LPP: variants seen among roughly 807,000 people sequenced by gnomAD.
LPP encodes the protein LIM domain containing preferred translocation partner in lipoma, also known as lipoma-preferred partner.
In LPP, 38 loss-of-function variants were observed where a neutral mutation model predicts 60.4. The observed-to-expected ratio is 0.63, with a 90% CI of 0.49 to 0.83. The LOEUF (loss-of-function observed/expected upper bound fraction) is 0.83. Ranked by LOEUF, LPP falls within the 40% of genes least tolerant of loss-of-function variation. The pLI is 0.00. For synonymous variants in LPP, 328 were observed against 290.8 expected, an observed-to-expected ratio of 1.13 and a Z score of -1.30; for missense variants, 902 against 783.6, an observed-to-expected ratio of 1.15 and a Z score of -1.80.
chr3:188,158,066 A>C (rs1380310304), intron 1 of LPP, among the ~76,000 whole-genome samples: 1 of 152,024 alleles, frequency 6.6e-6, no homozygotes, highest in Non-Finnish European at 1.5e-5. Context: ...TTCACAGGAG[A>C]ATAAGGCTGG....
At chr3:188,591,192 TC>T (rs1838631839) in intron 6 of LPP, among the ~76,000 whole-genome samples, 1 of 152,212 alleles carries the variant, frequency 6.6e-6, no homozygotes, top group Admixed American at 6.5e-5. Context: ...TCTAGCATTT[TC>T]TTTAAGACAT....
At chr3:188,159,744 G>A (rs1173920673) in intron 1 of LPP, among the ~76,000 whole-genome samples, 1 of 152,222 alleles carries the variant, frequency 6.6e-6, no homozygotes, top group Non-Finnish European at 1.5e-5. Flanking sequence ...CCTGCCAGCA[G>A]AGTGAAGATT....
chr3:188,555,391 A>C (rs1829237054), intron 6 of LPP, among the ~76,000 whole-genome samples: 1 of 152,146 alleles, frequency 6.6e-6, no homozygotes, highest in Non-Finnish European at 1.5e-5. Context: ...TCTGTAGGCT[A>C]TGTGGTAATC....
intron 2 of LPP, among the ~76,000 whole-genome samples, chr3:188,295,451 A>T (rs1444272645): frequency 6.6e-6 from 1 of 152,200 alleles, no homozygotes; most frequent in Non-Finnish European, 1.5e-5. Flanking sequence ...GGGGATGAAG[A>T]GTTTTGTTCA....
chr3:188,585,269 G>T (rs1837184352), intron 6 of LPP, among the ~76,000 whole-genome samples: 3 of 152,166 alleles, frequency 2.0e-5, no homozygotes, highest in South Asian at 4.1e-4. Flanking sequence ...TTTATAAGAA[G>T]ATTCAATGGG....
At chr3:188,688,487 A>G (rs538160758) in intron 7 of LPP, among the ~76,000 whole-genome samples, 1 of 152,296 alleles carries the variant, frequency 6.6e-6, no homozygotes, top group South Asian at 2.1e-4. Context: ...AACACCACCT[A>G]TATGCCAAGA....
chr3:188,475,425 T>A (rs1802895246), intron 4 of LPP, among the ~76,000 whole-genome samples: 1 of 152,240 alleles, frequency 6.6e-6, no homozygotes. Flanking sequence ...TTTGGTTTTT[T>A]AAAAAAATGC....
intron 8 of LPP, among the ~76,000 whole-genome samples, chr3:188,724,349 C>G (rs1039166521): frequency 6.6e-6 from 1 of 152,186 alleles, no homozygotes; most frequent in African/African-American, 2.4e-5. Context: ...CTCACAGGAT[C>G]TGTGCTCATT....
chr3:188,833,872 G>A (rs1209421872), intron 9 of LPP, among the ~76,000 whole-genome samples: 1 of 152,030 alleles, frequency 6.6e-6, no homozygotes, highest in Non-Finnish European at 1.5e-5. Flanking sequence ...CTCCTCATTT[G>A]GAAGAAAGAA....
chr3:188,232,036 C>A (rs1052095074), intron 2 of LPP, among the ~76,000 whole-genome samples: 8 of 152,152 alleles, frequency 5.3e-5, no homozygotes, highest in African/African-American at 1.7e-4. Context: ...TCAGCCAATA[C>A]CCTCTGTCTG....
chr3:188,729,107 A>G (rs1719488480), intron 8 of LPP, among the ~76,000 whole-genome samples: 1 of 152,230 alleles, frequency 6.6e-6, no homozygotes, highest in Non-Finnish European at 1.5e-5. Context: ...AAGGAATAAA[A>G]TGTTTCCAAG....
chr3:188,372,962 G>GT (rs1368596620), intron 3 of LPP, among the ~76,000 whole-genome samples: 7 of 151,856 alleles, frequency 4.6e-5, no homozygotes, highest in African/African-American at 1.5e-4. Flanking sequence ...GCGGTGTTTG[G>GT]TTTTTTGTCC....
intron 4 of LPP, among the ~76,000 whole-genome samples, chr3:188,473,971 C>T (rs1802498247): frequency 6.6e-6 from 1 of 152,146 alleles, no homozygotes. Flanking sequence ...AAACAAAAAA[C>T]CTAGCTAGAT....
At chr3:188,194,472 G>A (rs184389460) in intron 1 of LPP, among the ~76,000 whole-genome samples, 12 of 152,200 alleles carry the variant, frequency 7.9e-5, no homozygotes, top group South Asian at 2.1e-4. Flanking sequence ...GGCTCACTCC[G>A]TCCTGCCCAA....
Position 188,369,240 on chromosome 3 carries a change from C to T in LPP, c.-10+27521C>T, listed in dbSNP as rs1218884918. Among the ~76,000 whole-genome samples the T allele has an allele frequency of 4.8e-4, 73 of 151,898 alleles. 1 individual carries two copies. The highest frequency in any genetic ancestry group is 2.9e-5 in the Non-Finnish European group (2 of 67,990). On this transcript the variant is annotated intron_variant, in intron 3 of 11. Transcript: ENST00000617246. ...AGCAACAAAAACAGTTCTTATGCCT[C>T]TGAGTTTCTTGTTTTAGGCAGAAGC...
chr3:188,328,672 A>T (rs911577094), intron 2 of LPP, among the ~76,000 whole-genome samples: 2 of 152,360 alleles, frequency 1.3e-5, no homozygotes, highest in Middle Eastern at 3.4e-3. Flanking sequence ...CTGTCAATTT[A>T]AACAGTTACA....
chr3:188,790,974 T>C (rs1457463473), intron 9 of LPP, among the ~76,000 whole-genome samples: 3 of 152,038 alleles, frequency 2.0e-5, no homozygotes, highest in Non-Finnish European at 4.4e-5. Context: ...TTAGACACTT[T>C]AGATTTATGT....
chr3:188,482,360 T>C (rs1805045553), intron 4 of LPP, among the ~76,000 whole-genome samples: 1 of 152,236 alleles, frequency 6.6e-6, no homozygotes, highest in East Asian at 1.9e-4. Context: ...AACCTAAACC[T>C]TTTTTGCCTC....
At chr3:188,523,148 C>A (rs1348195720) in intron 5 of LPP, among the ~76,000 whole-genome samples, 2 of 152,028 alleles carry the variant, frequency 1.3e-5, no homozygotes, top group Non-Finnish European at 2.9e-5. Flanking sequence ...CTCAGATAAT[C>A]CACCCGCCTT....
Sources: allele counts gnomAD v4.1 joint callset (sites outside exome capture counted in the v4.1 genomes callset), GRCh38; gene constraint gnomAD v4.1.1; transcripts MANE v1.5; gene names NCBI Gene and HGNC (gene_info 2026-07-23, HGNC 2026-07-21).